The following OAS2 variants were observed in gnomAD, a reference collection of about 807,000 sequenced individuals.
OAS2 encodes the protein 2'-5'-oligoadenylate synthase 2.
OAS2 carries 67 observed loss-of-function variants against 71.3 expected under a neutral mutation model. That is an observed-to-expected ratio of 0.94 (90% CI 0.77 to 1.15). The LOEUF is 1.15. Among genes scored for constraint, OAS2 ranks in the 50% most tolerant of loss-of-function variants. OAS2 has a pLI of 0.00. For missense variants in OAS2, 789 were observed against 822.5 expected (o/e 0.96, Z 0.50); for synonymous variants, 327 against 321.8 (o/e 1.02, Z -0.17).
In OAS2 at chr12:113,007,905, C is replaced by G. The variant is rs45514594; in HGVS notation, c.1857C>G (p.Thr619=). 1 of 1,613,898 alleles carries G rather than the reference C, an allele frequency of 6.2e-7. No individual in the cohort carries two copies. The change falls in exon 9 of 10, where the codon ACC becomes ACG. Residue 619 remains threonine, a synonymous_variant. Transcript: ENST00000392583. ...WKVNYNFEDE[T]VRKFLLSQLQ... ...TCAATTACAACTTTGAAGATGAGACCGTGAGGAAGTTTCTACTGAGCCAGT... is the reference window on the plus strand; with the variant it reads ...TCAATTACAACTTTGAAGATGAGACGGTGAGGAAGTTTCTACTGAGCCAGT...
chr12:113,006,713 A>C (rs2044338347), intron 8 of OAS2, 113 bp downstream of exon 8: 2 of 869,864 alleles, frequency 2.3e-6, no homozygotes, highest in Middle Eastern at 5.1e-4. Flanking sequence ...ACTTTGGAGA[A>C]TCTGCCCACT....
At position 112,978,619 on chromosome 12, in the gene OAS2, G is replaced by C; in HGVS notation, c.11G>C (p.Gly4Ala). The C allele has an allele frequency of 6.2e-7, 1 of 1,614,008 alleles. No homozygotes were observed. The highest frequency in any genetic ancestry group is 8.5e-7 in the Non-Finnish European group (1 of 1,179,930). MGNGESQLSSVPAQ... is the reference protein window; with the variant it reads MGNAESQLSSVPAQ... ...AGCCAGCTGAGAGCAATGGGAAATG[G>C]GGAGTCCCAGCTGTCCTCGGTGCCT... is the stretch of plus-strand genomic sequence containing the variant. Residue 4 changes from glycine (G) to alanine (A), a missense_variant, in exon 1 of 10, where the codon GGG becomes GCG. Gly to Ala is a moderately conservative substitution (Grantham distance 60, BLOSUM62 0). Coordinates refer to ENST00000392583, the MANE Select transcript of OAS2 (RefSeq NM_002535.3). The surrounding 1 kb of genome is among the most constrained non-coding windows in gnomAD (Gnocchi z 4.2).
At chr12:112,981,497 T>C (rs1490678483) in intron 1 of OAS2, among the ~76,000 whole-genome samples, 1 of 152,246 alleles carries the variant, frequency 6.6e-6, no homozygotes, top group Non-Finnish European at 1.5e-5. Flanking sequence ...TGTGTGTTCA[T>C]GGTGCTTTCT....
chr12:113,008,545 C>G (rs1425850930), intron 9 of OAS2, among the ~76,000 whole-genome samples: 4 of 152,140 alleles, frequency 2.6e-5, no homozygotes, highest in African/African-American at 9.7e-5. Context: ...CTTCATTATG[C>G]CTTCATGAGT....
At chr12:112,997,158 G>GT (rs1052308969) in intron 3 of OAS2, among the ~76,000 whole-genome samples, 3 of 151,766 alleles carry the variant, frequency 2.0e-5, no homozygotes, top group South Asian at 2.1e-4. Flanking sequence ...GTTTTATTGG[G>GT]TTTTTTTTCA....
At chr12:112,998,537 C>T (rs1411683151) in intron 5 of OAS2, 127 bp downstream of exon 5, 1 of 1,065,364 alleles carries the variant, frequency 9.4e-7, no homozygotes, top group East Asian at 2.8e-5. Context: ...TTCCACAACA[C>T]AGATGGCTTA....
intron 2 of OAS2, chr12:112,987,555 T>G: frequency 7.2e-7 from 1 of 1,396,144 alleles, no homozygotes. Flanking sequence ...GGCAGAGCCT[T>G]TTAAGCCATA....
Position 112,987,320 on chromosome 12 carries a change from T to C in OAS2, c.448+12T>C, listed in dbSNP as rs145697226. 2.4e-5 allele frequency: 39 copies of C among 1,614,020 alleles called. No individual in the cohort carries two copies. The East Asian group carries it at 7.8e-4, about 32-fold the overall frequency. On this transcript the variant is annotated intron_variant, in intron 2 of 9. Transcript: ENST00000392583. ...CTTCAACGCTCTGAGTAAGCATTGC[T>C]GGGTGTCAGGAGAGAAAAGCCAAAG...
chr12:113,008,528 A>G (rs1447779487), intron 9 of OAS2, among the ~76,000 whole-genome samples: 1 of 152,198 alleles, frequency 6.6e-6, no homozygotes, highest in Non-Finnish European at 1.5e-5. Flanking sequence ...AGATATTTAG[A>G]CTATGCCTTC....
At position 112,981,085 on chromosome 12, in the gene OAS2, G is replaced by A. The variant is rs1245948806; in HGVS notation, c.177+2300G>A. On this transcript the variant is annotated intron_variant, in intron 1 of 9. Coordinates refer to ENST00000392583, the MANE Select transcript of OAS2 (RefSeq NM_002535.3). ...GATGGGTTGTTTTCTTTGCTGTTGA[G>A]TTGTTCACGTTCCTTGTATATTCTG... 2.6e-5 allele frequency among the ~76,000 whole-genome samples: 4 copies of A among 152,028 alleles called. No individual in the cohort carries two copies. The East Asian group carries it at 7.7e-4, about 29-fold the overall frequency.
At position 112,978,591 on chromosome 12, in the gene OAS2, G is replaced by A. The variant is rs766146526; in HGVS notation, c.-18G>A. On this transcript the variant is annotated 5_prime_UTR_variant, in exon 1 of 10. Transcript: ENST00000392583. The surrounding 1 kb of genome is among the most constrained non-coding windows in gnomAD (Gnocchi z 4.2). ...CCATCCTACCATTCACTGTCTTGCC[G>A]GCAGCCAGCTGAGAGCAATGGGAAA... 2.5e-6 allele frequency: 4 copies of A among 1,613,158 alleles called. No individual in the cohort carries two copies. Among genetic ancestry groups the A allele is most frequent in the Non-Finnish European group, 2.5e-6 (3 of 1,179,524 alleles).
At chr12:113,006,687 T>C in intron 8 of OAS2, 87 bp downstream of exon 8, 2 of 1,196,680 alleles carry the variant, frequency 1.7e-6, no homozygotes, top group Admixed American at 2.3e-5. Flanking sequence ...CAATCTCCCA[T>C]GCTGAGGGCT....
chr12:112,986,122 G>T (rs1160134255), intron 1 of OAS2, among the ~76,000 whole-genome samples: 1 of 152,234 alleles, frequency 6.6e-6, no homozygotes, highest in Non-Finnish European at 1.5e-5. Flanking sequence ...TTGTCTGTGA[G>T]CTCCTCAGTG....
intron 2 of OAS2, among the ~76,000 whole-genome samples, chr12:112,992,200 GC>G (rs1204998627): frequency 1.3e-5 from 2 of 152,002 alleles, no homozygotes; most frequent in African/African-American, 4.8e-5. Flanking sequence ...TTTAAGACCA[GC>G]CTGGGCAACA....
rs71086130 is a variant in OAS2, at chr12:113,001,431, T to TATATATACACATATATAC, written c.1009-1463_1009-1446dup. ...ATACATATATACACATATATGCACA[T>TATATATACACATATATAC]ATATATACACATATATACATATATA... On this transcript the variant is annotated intron_variant, in intron 5 of 9. Coordinates refer to ENST00000392583, the MANE Select transcript of OAS2 (RefSeq NM_002535.3). 1.7e-3 allele frequency among the ~76,000 whole-genome samples: 241 copies of TATATATACACATATATAC among 144,992 alleles called. 1 individual carries two copies. Among genetic ancestry groups the TATATATACACATATATAC allele is most frequent in the African/African-American group, 5.3e-3 (204 of 38,268 alleles).
chr12:112,979,310 G>A (rs2044057698), intron 1 of OAS2, among the ~76,000 whole-genome samples: 2 of 152,138 alleles, frequency 1.3e-5, no homozygotes, highest in South Asian at 4.1e-4. Flanking sequence ...GAGGAAGGGG[G>A]ACTGGGGAGA....
At chr12:113,005,296 C>T (rs1565997241) in intron 7 of OAS2, 74 bp downstream of exon 7, 6 of 1,449,136 alleles carry the variant, frequency 4.1e-6, no homozygotes, top group African/African-American at 2.8e-5. Context: ...GACTTGATTA[C>T]GGGCTCTGAA....
At chr12:112,983,026 T>A (rs1250880964) in intron 1 of OAS2, among the ~76,000 whole-genome samples, 1 of 152,172 alleles carries the variant, frequency 6.6e-6, no homozygotes, top group South Asian at 2.1e-4. Context: ...TAATGTCTCC[T>A]TTTTTATCCC....
intron 1 of OAS2, among the ~76,000 whole-genome samples, chr12:112,981,127 T>G (rs1429140314): frequency 1.3e-5 from 2 of 152,174 alleles, no homozygotes; most frequent in African/African-American, 4.8e-5. Flanking sequence ...AAACCCTTGT[T>G]GGAAAAATAG....
Sources: allele counts gnomAD v4.1 joint callset (sites outside exome capture counted in the v4.1 genomes callset), GRCh38; gene constraint gnomAD v4.1.1; non-coding constraint Gnocchi (gnomAD v3.1); transcripts MANE v1.5; gene names NCBI Gene and HGNC (gene_info 2026-07-23, HGNC 2026-07-21).